LRMDA: variants seen among roughly 807,000 people sequenced by gnomAD.
The protein encoded by LRMDA is leucine-rich melanocyte differentiation-associated protein.
A neutral mutation model predicts 29.8 loss-of-function variants in LRMDA; 18 were observed. That is an observed-to-expected ratio of 0.60 (90% CI 0.42 to 0.90). The LOEUF is 0.90. Among genes scored for constraint, LRMDA ranks in the 40% least tolerant of loss-of-function variants. LRMDA has a pLI of 0.00. For missense variants in LRMDA, 273 were observed against 273.9 expected (o/e 1.00, Z 0.02); for synonymous variants, 125 against 109.4 (o/e 1.14, Z -0.89).
chr10:76,324,366 T>C (rs535508515), intron 5 of LRMDA, 35 bp from the exon 6 acceptor site: 3 of 1,581,140 alleles, frequency 1.9e-6, no homozygotes, highest in Admixed American at 3.3e-5. Flanking sequence ...TGGTGTTTGG[T>C]GTTGCTTCAT....
At chr10:76,168,223 C>G (rs1850775258) in intron 5 of LRMDA, among the ~76,000 whole-genome samples, 2 of 152,172 alleles carry the variant, frequency 1.3e-5, no homozygotes, top group Non-Finnish European at 2.9e-5. Flanking sequence ...TATATAATTT[C>G]TCATCAAAAC....
At chr10:75,594,241 A>G (rs1475396861) in intron 2 of LRMDA, among the ~76,000 whole-genome samples, 2 of 152,164 alleles carry the variant, frequency 1.3e-5, no homozygotes, top group African/African-American at 4.8e-5. Flanking sequence ...GGGGACCGGG[A>G]TGCTGCTCAG....
In LRMDA at chr10:75,877,661, G is replaced by T. The variant is rs544922669; in HGVS notation, c.132-158347G>T. ...AACTAGCTTAGAGGATAATAGGATG[G>T]GTACATTTTGAATACCTGGAGGTAG... On this transcript the variant is annotated intron_variant, in intron 2 of 6. Transcript: ENST00000611255. 2.0e-5 allele frequency among the ~76,000 whole-genome samples: 3 copies of T among 152,276 alleles called. No homozygotes were observed. The East Asian group carries it at 5.8e-4, about 29-fold the overall frequency.
At chr10:75,893,921 A>G (rs1188078661) in intron 2 of LRMDA, among the ~76,000 whole-genome samples, 1 of 130,826 alleles carries the variant, frequency 7.6e-6, no homozygotes, top group Non-Finnish European at 1.6e-5. Flanking sequence ...TGACAGACTG[A>G]CTCCGTCTCA....
At chr10:76,160,308 T>C (rs1381275816) in intron 5 of LRMDA, among the ~76,000 whole-genome samples, 1 of 151,992 alleles carries the variant, frequency 6.6e-6, no homozygotes, top group Non-Finnish European at 1.5e-5. Context: ...CCTTAAATAT[T>C]TTATAATTGA....
At chr10:76,297,590 C>G (rs1186764904) in intron 5 of LRMDA, among the ~76,000 whole-genome samples, 1 of 152,170 alleles carries the variant, frequency 6.6e-6, no homozygotes, top group Non-Finnish European at 1.5e-5. Flanking sequence ...GGAGGTCGTT[C>G]TGTTCGACTC....
At chr10:75,724,606 C>A (rs542612089) in intron 2 of LRMDA, among the ~76,000 whole-genome samples, 10 of 152,210 alleles carry the variant, frequency 6.6e-5, no homozygotes, top group Admixed American at 6.5e-4. Flanking sequence ...TTTGTCTTGC[C>A]GGCTTTTCTG....
intron 2 of LRMDA, among the ~76,000 whole-genome samples, chr10:75,919,634 A>G (rs945753497): frequency 1.3e-5 from 2 of 152,174 alleles, no homozygotes; most frequent in African/African-American, 2.4e-5. Flanking sequence ...CTTGGAGCTC[A>G]TCTCATGAAA....
At chr10:75,516,813 C>G (rs921175440) in intron 2 of LRMDA, among the ~76,000 whole-genome samples, 2 of 152,090 alleles carry the variant, frequency 1.3e-5, no homozygotes, top group Admixed American at 6.5e-5. Context: ...AGATTTTCTT[C>G]TAGGGTTTTA....
At chr10:76,484,806 C>T (rs1187742910) in intron 6 of LRMDA, among the ~76,000 whole-genome samples, 1 of 151,612 alleles carries the variant, frequency 6.6e-6, no homozygotes, top group Non-Finnish European at 1.5e-5. Flanking sequence ...TTTTTTGCCT[C>T]ATGTATTTTG....
At chr10:76,193,123 C>A (rs565107295) in intron 5 of LRMDA, among the ~76,000 whole-genome samples, 1 of 152,252 alleles carries the variant, frequency 6.6e-6, no homozygotes, top group African/African-American at 2.4e-5. Context: ...GAGCGTGTTT[C>A]TTGAAGCTGT....
At chr10:75,919,169 G>A (rs1056793456) in intron 2 of LRMDA, among the ~76,000 whole-genome samples, 3 of 152,166 alleles carry the variant, frequency 2.0e-5, no homozygotes, top group African/African-American at 4.8e-5. Context: ...GGACAAAGCC[G>A]GGATGCGAAG....
At chr10:75,862,336 C>G (rs1844946081) in intron 2 of LRMDA, among the ~76,000 whole-genome samples, 1 of 152,026 alleles carries the variant, frequency 6.6e-6, no homozygotes, top group African/African-American at 2.4e-5. Context: ...AAATTTAGTT[C>G]AGACTCAAGA....
chr10:75,555,057 G>A (rs995241083), intron 2 of LRMDA, among the ~76,000 whole-genome samples: 5 of 152,112 alleles, frequency 3.3e-5, no homozygotes, highest in African/African-American at 1.2e-4. Context: ...AAGCATCCAT[G>A]GGTATCTGAT....
At chr10:76,268,831 T>C (rs2132318473) in intron 5 of LRMDA, among the ~76,000 whole-genome samples, 1 of 152,298 alleles carries the variant, frequency 6.6e-6, no homozygotes, top group Admixed American at 6.5e-5. Context: ...CATTTGAGAC[T>C]GAGAGTGTAT....
chr10:76,251,243 T>C (rs2132296944), intron 5 of LRMDA, among the ~76,000 whole-genome samples: 3 of 97,500 alleles, frequency 3.1e-5, no homozygotes, highest in African/African-American at 1.6e-4. Context: ...TTTTTTTTTT[T>C]TTTTTTTTTT....
intron 2 of LRMDA, among the ~76,000 whole-genome samples, chr10:75,934,873 G>T (rs1233885202): frequency 6.6e-6 from 1 of 152,172 alleles, no homozygotes; most frequent in Non-Finnish European, 1.5e-5. Context: ...ACAACAGTTG[G>T]AGCCAATCTA....
At chr10:76,230,413 T>C (rs897971722) in intron 5 of LRMDA, among the ~76,000 whole-genome samples, 1 of 152,130 alleles carries the variant, frequency 6.6e-6, no homozygotes, top group African/African-American at 2.4e-5. Flanking sequence ...AAAAAGTAGA[T>C]AGAAATCTGG....
intron 2 of LRMDA, among the ~76,000 whole-genome samples, chr10:76,019,662 T>C (rs1346688864): frequency 6.6e-6 from 1 of 152,148 alleles, no homozygotes; most frequent in African/African-American, 2.4e-5. Context: ...AAACCTTGGG[T>C]CATTCTTTAT....
Sources: gnomAD v4.1 joint callset for allele counts (sites outside exome capture counted in the v4.1 genomes callset) on GRCh38, gnomAD v4.1.1 for gene constraint, MANE v1.5 for transcripts, NCBI Gene and HGNC (gene_info 2026-07-23, HGNC 2026-07-21) for gene names.